OSBPL1A: variants seen among roughly 807,000 people sequenced by gnomAD.
OSBPL1A encodes the protein oxysterol binding protein like 1A, also known as oxysterol-binding protein-related protein 1.
In OSBPL1A, 80 loss-of-function variants were observed where a neutral mutation model predicts 137.1. The ratio of observed to expected loss-of-function variants is 0.58; its 90% CI spans 0.49 to 0.70. OSBPL1A has a LOEUF of 0.70. Among genes scored for constraint, OSBPL1A ranks in the 30% least tolerant of loss-of-function variants. The probability of loss-of-function intolerance (pLI) is 0.00; values close to 1 mark genes in which losing one functional copy is unlikely to be tolerated. For missense variants in OSBPL1A, 970 were observed against 1,129.4 expected (o/e 0.86, Z 2.02); for synonymous variants, 365 against 389.7 (o/e 0.94, Z 0.75).
At chr18:24,375,314 C>CAAAAAAAAAAAA (rs61252568) in intron 2 of OSBPL1A, among the ~76,000 whole-genome samples, 1 of 41,696 alleles carries the variant, frequency 2.4e-5, no homozygotes, top group Non-Finnish European at 4.3e-5. Flanking sequence ...AACCCTGTCT[C>CAAAAAAAAAAAA]AAAAAAAAAA....
At chr18:24,386,059 T>G (rs1324383028) in intron 1 of OSBPL1A, among the ~76,000 whole-genome samples, 1 of 151,822 alleles carries the variant, frequency 6.6e-6, no homozygotes, top group African/African-American at 2.4e-5. Flanking sequence ...GGGGGAGAGC[T>G]CCTATCTGAT....
intron 15 of OSBPL1A, among the ~76,000 whole-genome samples, chr18:24,279,263 A>C (rs567295175): frequency 6.8e-4 from 103 of 151,364 alleles, no homozygotes; most frequent in African/African-American, 2.3e-3. Context: ...AAAAAAAAAA[A>C]AAAAAAAAAT....
chr18:24,322,202 C>T lies in OSBPL1A; in HGVS notation c.626-3393G>A, dbSNP rs182377815. Among the ~76,000 whole-genome samples, 36 of 150,922 alleles carry T rather than the reference C, an allele frequency of 2.4e-4. No individual in the cohort carries two copies. The East Asian group carries it at 6.0e-3, about 25-fold the overall frequency. Reference sequence around the variant, plus strand: ...TCAGCTCACTGCAAGCTCTGCCTCCCGGGTTCATGCTATTCTCCTGCCTCA... The same window carrying T: ...TCAGCTCACTGCAAGCTCTGCCTCCTGGGTTCATGCTATTCTCCTGCCTCA... On this transcript the variant is annotated intron_variant, in intron 7 of 27. Transcript: ENST00000319481.
intron 1 of OSBPL1A, among the ~76,000 whole-genome samples, chr18:24,380,625 G>T (rs777322153): frequency 6.6e-6 from 1 of 152,206 alleles, no homozygotes; most frequent in Admixed American, 6.5e-5. Flanking sequence ...TCCAGTGCTC[G>T]CACAAGGCCT....
chr18:24,373,840 T>C (rs1330466215), intron 2 of OSBPL1A, among the ~76,000 whole-genome samples: 1 of 152,162 alleles, frequency 6.6e-6, no homozygotes, highest in East Asian at 1.9e-4. Flanking sequence ...CCTTAAGAAC[T>C]GCATATCATC....
At position 24,317,206 on chromosome 18, in the gene OSBPL1A, A is replaced by C; in HGVS notation, c.813T>G (p.Asp271Glu). 6.2e-7 allele frequency: 1 copy of C among 1,613,904 alleles called. No individual in the cohort carries two copies. The highest frequency in any genetic ancestry group is 1.1e-5 in the South Asian group (1 of 91,080). Residue 271 changes from aspartate (D) to glutamate (E), a missense_variant, in exon 11 of 28, where the codon GAT (aspartate) becomes GAG (glutamate). Asp to Glu is a conservative substitution (Grantham distance 45). This residue lies in a region of OSBPL1A where 647 missense variants were observed against 672.6 expected (regional missense o/e 0.96). Transcript: ENST00000319481. ...CCTGGCGATAAATATTATGAACTGCATCAGGCCTTCAAAATAAAAATGAAA... is the reference window on the plus strand; with the variant it reads ...CCTGGCGATAAATATTATGAACTGCCTCAGGCCTTCAAAATAAAAATGAAA... ...GVLSWYRKQPDAVHNIYRQGC... is the reference protein window; with the variant it reads ...GVLSWYRKQPEAVHNIYRQGC...
intron 15 of OSBPL1A, among the ~76,000 whole-genome samples, chr18:24,265,006 G>A (rs1249044974): frequency 2.6e-5 from 4 of 152,160 alleles, no homozygotes; most frequent in East Asian, 1.9e-4. Flanking sequence ...TACTTTCATC[G>A]GTCTTATATA....
At chr18:24,203,491 C>T (rs969005544) in intron 17 of OSBPL1A, among the ~76,000 whole-genome samples, 3 of 152,206 alleles carry the variant, frequency 2.0e-5, no homozygotes, top group Non-Finnish European at 4.4e-5. Flanking sequence ...CAAGGACACT[C>T]CCCTTCACAT....
intron 4 of OSBPL1A, among the ~76,000 whole-genome samples, chr18:24,356,774 G>A (rs2146179777): frequency 6.6e-6 from 1 of 152,212 alleles, no homozygotes; most frequent in East Asian, 1.9e-4. Context: ...AAAAACCTAA[G>A]AGAATGCAGG....
intron 17 of OSBPL1A, among the ~76,000 whole-genome samples, chr18:24,223,084 C>T (rs899738492): frequency 6.6e-6 from 1 of 152,040 alleles, no homozygotes; most frequent in Admixed American, 6.6e-5. Context: ...TCCCCCAGGT[C>T]ATGTAGCAAC....
chr18:24,231,353 C>A (rs2028736), intron 16 of OSBPL1A, among the ~76,000 whole-genome samples: 2 of 151,934 alleles, frequency 1.3e-5, no homozygotes, highest in African/African-American at 4.8e-5. Context: ...AGTGCAGTGG[C>A]GTGATCTCAG....
chr18:24,310,407 T>G (rs2090595782), intron 13 of OSBPL1A, among the ~76,000 whole-genome samples: 1 of 125,588 alleles, frequency 8.0e-6, no homozygotes. Context: ...GCTAACACGG[T>G]GAAACCCTGT....
intron 16 of OSBPL1A, among the ~76,000 whole-genome samples, chr18:24,228,719 G>C (rs2088175435): frequency 6.6e-6 from 1 of 152,150 alleles, no homozygotes; most frequent in South Asian, 2.1e-4. Flanking sequence ...TGATTGAGCT[G>C]CGTTCGCTGA....
chr18:24,185,491 T>G (rs4800560), intron 18 of OSBPL1A, among the ~76,000 whole-genome samples: 4,673 of 152,144 alleles, frequency 0.031, 368 homozygotes, highest in Admixed American at 0.17. Flanking sequence ...AGCTAATTTT[T>G]TGTATCTTTA....
intron 15 of OSBPL1A, among the ~76,000 whole-genome samples, chr18:24,241,783 C>A (rs1327684073): frequency 6.6e-6 from 1 of 152,140 alleles, no homozygotes; most frequent in East Asian, 1.9e-4. Flanking sequence ...TGGGTATATA[C>A]CCAAAGGAGT....
chr18:24,296,103 C>A (rs925409039), intron 14 of OSBPL1A, among the ~76,000 whole-genome samples: 1 of 152,078 alleles, frequency 6.6e-6, no homozygotes, highest in African/African-American at 2.4e-5. Flanking sequence ...GCAGTATGGT[C>A]ATTTTCACAA....
chr18:24,164,580 C>G (rs112530219), intron 27 of OSBPL1A, among the ~76,000 whole-genome samples: 4,529 of 152,104 alleles, frequency 0.03, 191 homozygotes, highest in African/African-American at 0.094. Flanking sequence ...AGGCGCCCGC[C>G]ACCACGCCCA....
chr18:24,264,618 T>C (rs182963472), intron 15 of OSBPL1A, among the ~76,000 whole-genome samples: 61 of 152,342 alleles, frequency 4.0e-4, no homozygotes, highest in Non-Finnish European at 7.8e-4. Flanking sequence ...AATTTCCTGT[T>C]GAGAACCTGG....
Position 24,166,514 on chromosome 18 carries a change from A to T in OSBPL1A, c.2659+65T>A, listed in dbSNP as rs539018425. 1.9e-6 allele frequency: 3 copies of T among 1,551,406 alleles called. No individual in the cohort carries two copies. The African/African-American group carries it at 4.2e-5, about 21-fold the overall frequency. On this transcript the variant is annotated intron_variant, in intron 26 of 27. Transcript: ENST00000319481. ...CCCAATGATGCTAACAATCACCAGG[A>T]ATAAACAAAGCATCATCCCCCGAGA...
Sources: gnomAD v4.1 joint callset for allele counts (sites outside exome capture counted in the v4.1 genomes callset) on GRCh38, gnomAD v4.1.1 for gene constraint, gnomAD v4.1.1 regional missense constraint, MANE v1.5 for transcripts, NCBI Gene and HGNC (gene_info 2026-07-23, HGNC 2026-07-21) for gene names.